KIAA1217: variants seen among roughly 807,000 people sequenced by gnomAD.
KIAA1217 encodes the protein sickle tail protein homolog.
Under a neutral mutation model 163.9 loss-of-function variants are expected in KIAA1217, and 88 were observed. That is an observed-to-expected ratio of 0.54 (90% CI 0.45 to 0.64). The LOEUF (loss-of-function observed/expected upper bound fraction) is 0.64. Among genes scored for constraint, KIAA1217 ranks in the 30% least tolerant of loss-of-function variants. The pLI, the probability that KIAA1217 is intolerant of heterozygous loss-of-function variation, is 0.00. For synonymous variants in KIAA1217, 903 were observed against 923.1 expected (o/e 0.98, Z 0.39); for missense variants, 2,372 against 2,475.0 (o/e 0.96, Z 0.88).
intron 1 of KIAA1217, among the ~76,000 whole-genome samples, chr10:23,901,718 G>T (rs1320412459): frequency 2.0e-5 from 3 of 151,908 alleles, no homozygotes; most frequent in Non-Finnish European, 2.9e-5. Context: ...AGACCAGTGG[G>T]CCAAAATGGT....
intron 3 of KIAA1217, among the ~76,000 whole-genome samples, chr10:24,401,942 C>A (rs926610721): frequency 6.6e-6 from 1 of 152,078 alleles, no homozygotes; most frequent in Non-Finnish European, 1.5e-5. Context: ...AAACACAGTA[C>A]CATTTACAGT....
At chr10:24,221,473 C>T (rs1441427020) in intron 2 of KIAA1217, among the ~76,000 whole-genome samples, 2 of 152,182 alleles carry the variant, frequency 1.3e-5, no homozygotes, top group Non-Finnish European at 2.9e-5. Context: ...GTCTAACTCA[C>T]TCAGCCTTTG....
At chr10:24,315,769 A>AAG (rs1554811238) in intron 2 of KIAA1217, among the ~76,000 whole-genome samples, 1 of 151,512 alleles carries the variant, frequency 6.6e-6, no homozygotes, top group African/African-American at 2.4e-5. Context: ...AACAAGAAAA[A>AAG]AAAAATATGT....
intron 1 of KIAA1217, among the ~76,000 whole-genome samples, chr10:23,846,624 G>A (rs1284691269): frequency 6.6e-6 from 1 of 152,134 alleles, no homozygotes; most frequent in Non-Finnish European, 1.5e-5. Context: ...TCAGTTTAAG[G>A]AGATTTTGGG....
At chr10:24,209,017 T>A, upstream of KIAA1217, 1 of 596,144 alleles carries the variant, frequency 1.7e-6, no homozygotes, top group Non-Finnish European at 3.0e-6. Context: ...CGCGCTGGAA[T>A]GCAGTTTTCT....
chr10:24,103,047 C>T (rs1192172122), intron 2 of KIAA1217, among the ~76,000 whole-genome samples: 2 of 152,184 alleles, frequency 1.3e-5, no homozygotes, highest in Non-Finnish European at 2.9e-5. Flanking sequence ...TCCACCATGA[C>T]TGTGAGCTCT....
At chr10:23,775,495 C>T (rs993375306) in intron 1 of KIAA1217, among the ~76,000 whole-genome samples, 5 of 152,146 alleles carry the variant, frequency 3.3e-5, no homozygotes, top group African/African-American at 1.2e-4. Context: ...TGCCAGTGTG[C>T]ACCCGGCACT....
intron 1 of KIAA1217, among the ~76,000 whole-genome samples, chr10:23,778,955 C>G (rs544271578): frequency 6.6e-6 from 1 of 151,944 alleles, no homozygotes; most frequent in South Asian, 2.1e-4. Flanking sequence ...GACTATACAA[C>G]TATTTATTTA....
intron 1 of KIAA1217, among the ~76,000 whole-genome samples, chr10:23,800,739 G>A (rs1260499291): frequency 6.6e-6 from 1 of 152,124 alleles, no homozygotes; most frequent in African/African-American, 2.4e-5. Context: ...TATTATCACT[G>A]GTTATTAGAG....
intron 5 of KIAA1217, among the ~76,000 whole-genome samples, chr10:24,451,734 C>T (rs2061389224): frequency 6.6e-6 from 1 of 152,226 alleles, no homozygotes; most frequent in Non-Finnish European, 1.5e-5. Flanking sequence ...TGCCACATCC[C>T]TCTGCCCTTT....
intron 2 of KIAA1217, among the ~76,000 whole-genome samples, chr10:24,107,408 G>A (rs1405129850): frequency 6.6e-6 from 1 of 152,194 alleles, no homozygotes; most frequent in Admixed American, 6.5e-5. Flanking sequence ...CCAGTAATGG[G>A]GTTGCTGGGA....
intron 2 of KIAA1217, among the ~76,000 whole-genome samples, chr10:24,024,340 G>A (rs1026809858): frequency 6.6e-6 from 1 of 151,606 alleles, no homozygotes; most frequent in Non-Finnish European, 1.5e-5. Context: ...GAATCATAAA[G>A]TTGGGTAGTC....
chr10:24,341,612 C>T (rs758094554), intron 2 of KIAA1217, among the ~76,000 whole-genome samples: 10 of 152,016 alleles, frequency 6.6e-5, no homozygotes, highest in Middle Eastern at 3.4e-3. Flanking sequence ...TTATACTCTG[C>T]GTCATAGCCA....
At chr10:24,541,841 C>T (rs929264131) in intron 17 of KIAA1217, among the ~76,000 whole-genome samples, 5 of 152,188 alleles carry the variant, frequency 3.3e-5, no homozygotes, top group Non-Finnish European at 5.9e-5. Context: ...GTGACGTCAC[C>T]GTCACCAATG....
chr10:24,514,756 G>A lies in KIAA1217; in HGVS notation c.2177+1322G>A, dbSNP rs958231421. On this transcript the variant is annotated intron_variant, in intron 10 of 20. Transcript: ENST00000376454. ...TGTAATCCCAGCACTTTGGGAGGCC[G>A]AGGCAGCCAGATCACCTGAGGTCAG... Among the ~76,000 whole-genome samples, 12 of 152,042 alleles carry A rather than the reference G, an allele frequency of 7.9e-5. No homozygotes were observed. The South Asian group carries it at 1.5e-3, about 18-fold the overall frequency.
rs150334828 is a variant in KIAA1217, at chr10:24,035,951, C to T, written c.-171+28577C>T. ...CCCAGCTATGGATGGAAGGAGCAGT[C>T]ATGCATGAGCAACCACTGGTGTCAA... is the stretch of plus-strand genomic sequence containing the variant. On this transcript the variant is annotated intron_variant, in intron 2 of 18. Coordinates refer to the KIAA1217 transcript ENST00000376462. Among the ~76,000 whole-genome samples the T allele has an allele frequency of 1.9e-4, 29 of 152,322 alleles. No homozygotes were observed. The East Asian group carries it at 5.2e-3, about 27-fold the overall frequency.
At chr10:24,367,074 C>T (rs1031907648) in intron 2 of KIAA1217, 3 of 742,696 alleles carry the variant, frequency 4.0e-6, no homozygotes, top group South Asian at 1.2e-4. Context: ...CATGTTTTCA[C>T]CCCTTTTCTT....
chr10:24,485,418 C>A (rs1408741298), intron 6 of KIAA1217, among the ~76,000 whole-genome samples: 1 of 152,180 alleles, frequency 6.6e-6, no homozygotes, highest in Non-Finnish European at 1.5e-5. Context: ...TTTGCTCTTT[C>A]TGCTGCTTCG....
intron 1 of KIAA1217, among the ~76,000 whole-genome samples, chr10:23,885,662 A>G (rs1020587763): frequency 2.6e-5 from 4 of 151,916 alleles, no homozygotes; most frequent in Non-Finnish European, 4.4e-5. Flanking sequence ...AGCATTTAGG[A>G]GATGCTTGAT....
Sources: allele counts gnomAD v4.1 joint callset (sites outside exome capture counted in the v4.1 genomes callset), GRCh38; gene constraint gnomAD v4.1.1; transcripts MANE v1.5; gene names NCBI Gene and HGNC (gene_info 2026-07-23, HGNC 2026-07-21).